The following CACNA1E variants were observed in gnomAD, a reference collection of about 807,000 sequenced individuals.
The protein encoded by CACNA1E is calcium voltage-gated channel subunit alpha1 E.
A neutral mutation model predicts 259.2 loss-of-function variants in CACNA1E; 40 were observed. That is an observed-to-expected ratio of 0.15 (90% CI 0.12 to 0.20). The LOEUF (loss-of-function observed/expected upper bound fraction) is 0.20, where lower values mean the gene tolerates loss of function less well. Ranked by LOEUF, CACNA1E falls within the 10% of genes least tolerant of loss-of-function variation. The pLI is 1.00. For missense variants in CACNA1E, 1,874 were observed against 3,040.1 expected, an observed-to-expected ratio of 0.62 and a Z score of 9.02; for synonymous variants, 1,104 against 1,138.5, an observed-to-expected ratio of 0.97 and a Z score of 0.61.
chr1:181,377,367 T>G (rs1259373140), intron 1 of CACNA1E, among the ~76,000 whole-genome samples: 1 of 152,138 alleles, frequency 6.6e-6, no homozygotes, highest in Admixed American at 6.5e-5. Flanking sequence ...AATAAAGACC[T>G]GTTTGGGGTC....
intron 2 of CACNA1E, among the ~76,000 whole-genome samples, chr1:181,439,501 C>A (rs1660312357): frequency 6.6e-6 from 1 of 152,132 alleles, no homozygotes; most frequent in Admixed American, 6.5e-5. Flanking sequence ...AGTTGCCTTA[C>A]TTTCTAGAGG....
intron 6 of CACNA1E, among the ~76,000 whole-genome samples, chr1:181,584,329 C>T (rs1219914324): frequency 1.3e-5 from 2 of 152,200 alleles, no homozygotes; most frequent in Non-Finnish European, 2.9e-5. Flanking sequence ...GTTTCTGCAG[C>T]TTTGCAGGTA....
At chr1:181,567,889 CAAAT>C (rs1003354968) in intron 3 of CACNA1E, among the ~76,000 whole-genome samples, 2 of 151,886 alleles carry the variant, frequency 1.3e-5, no homozygotes, top group Non-Finnish European at 2.9e-5. Flanking sequence ...GTACATCACA[CAAAT>C]AAAGAGTACT....
chr1:181,754,068 C>T (rs150529564), intron 27 of CACNA1E, among the ~76,000 whole-genome samples: 341 of 152,336 alleles, frequency 2.2e-3, no homozygotes, highest in African/African-American at 8.0e-3. Flanking sequence ...GGTTCTGCCT[C>T]ACACACAGAG....
chr1:181,649,027 C>T (rs1035440786), intron 6 of CACNA1E, among the ~76,000 whole-genome samples: 3 of 152,202 alleles, frequency 2.0e-5, no homozygotes, highest in African/African-American at 7.2e-5. Flanking sequence ...ACAGAGCTAG[C>T]TATACAAATA....
intron 46 of CACNA1E, 104 bp downstream of exon 46, chr1:181,795,148 C>A: frequency 1.0e-6 from 1 of 979,276 alleles, no homozygotes; most frequent in Non-Finnish European, 1.5e-6. Context: ...AATTCAGAGA[C>A]AAGGGCTGAA....
intron 6 of CACNA1E, among the ~76,000 whole-genome samples, chr1:181,608,859 T>C (rs1292434180): frequency 6.6e-6 from 1 of 152,224 alleles, no homozygotes; most frequent in Non-Finnish European, 1.5e-5. Flanking sequence ...TTTCTCCTTA[T>C]TGATTGTATA....
At chr1:181,470,452 C>T (rs1482475589) in intron 2 of CACNA1E, among the ~76,000 whole-genome samples, 1 of 152,148 alleles carries the variant, frequency 6.6e-6, no homozygotes, top group Non-Finnish European at 1.5e-5. Flanking sequence ...AAACTCCTGG[C>T]TTTGGGTGAT....
At chr1:181,684,238 T>C (rs1650285130) in intron 7 of CACNA1E, among the ~76,000 whole-genome samples, 1 of 152,202 alleles carries the variant, frequency 6.6e-6, no homozygotes, top group African/African-American at 2.4e-5. Context: ...ATTAGTGATG[T>C]TGAACATTTT....
chr1:181,741,950 C>G (rs1485025923), intron 25 of CACNA1E, among the ~76,000 whole-genome samples: 1 of 152,176 alleles, frequency 6.6e-6, no homozygotes, highest in African/African-American at 2.4e-5. Context: ...TTCTTGAACT[C>G]TCTCTTCATT....
intron 7 of CACNA1E, among the ~76,000 whole-genome samples, chr1:181,703,930 T>TCTGGTCTGTGAGAC (rs1652533117): frequency 6.7e-6 from 1 of 148,812 alleles, no homozygotes. Context: ...GATATAGCAC[T>TCTGGTCTGTGAGAC]TCATGTAATG....
At position 181,790,699 on chromosome 1, in the gene CACNA1E, C is replaced by A. The variant is rs1242035575; in HGVS notation, c.5898+143C>A. 7 of 636,462 alleles carry A rather than the reference C, an allele frequency of 1.1e-5. No homozygotes were observed. The East Asian group carries it at 1.9e-4, about 18-fold the overall frequency. 39.4% of individuals were successfully genotyped at this position (636,462 alleles called of 1,614,324 possible). On this transcript the variant is annotated intron_variant, in intron 44 of 47. Coordinates refer to ENST00000367573, the MANE Select transcript of CACNA1E (RefSeq NM_001205293.3). Reference sequence around the variant, plus strand: ...TGCCCTGGAGGTGTCCTGCCTTAGCCCTTTTCTAGCCCAGTTTCTCATGTG... The same window carrying A: ...TGCCCTGGAGGTGTCCTGCCTTAGCACTTTTCTAGCCCAGTTTCTCATGTG...
chr1:181,548,575 A>G (rs985833277), intron 3 of CACNA1E, among the ~76,000 whole-genome samples: 3 of 152,188 alleles, frequency 2.0e-5, no homozygotes, highest in African/African-American at 4.8e-5. Flanking sequence ...TGTCTTGCAC[A>G]TGGTTGTGCT....
At chr1:181,441,952 AT>A (rs1660501425) in intron 2 of CACNA1E, among the ~76,000 whole-genome samples, 1 of 152,082 alleles carries the variant, frequency 6.6e-6, no homozygotes, top group Non-Finnish European at 1.5e-5. Flanking sequence ...GCCTTAATTC[AT>A]TTCATCTGAC....
chr1:181,404,220 T>TA (rs1298821638), intron 1 of CACNA1E, among the ~76,000 whole-genome samples: 7 of 152,058 alleles, frequency 4.6e-5, no homozygotes, highest in Non-Finnish European at 1.0e-4. Context: ...CTTGAGGAGG[T>TA]AAACATAATG....
chr1:181,508,967 G>A (rs55833647), intron 1 of CACNA1E, among the ~76,000 whole-genome samples: 31,104 of 151,976 alleles, frequency 0.2, 3,435 homozygotes, highest in Non-Finnish European at 0.25. Flanking sequence ...GCAGAGGCCC[G>A]TGGAATGGTC....
intron 6 of CACNA1E, among the ~76,000 whole-genome samples, chr1:181,615,484 G>T (rs116442149): frequency 0.027 from 4,167 of 152,176 alleles, 89 homozygotes; most frequent in Non-Finnish European, 0.041. Flanking sequence ...CACCATGCCT[G>T]GCTGATATAT....
intron 3 of CACNA1E, among the ~76,000 whole-genome samples, chr1:181,522,126 A>T (rs979912157): frequency 6.6e-6 from 1 of 152,186 alleles, no homozygotes; most frequent in South Asian, 2.1e-4. Flanking sequence ...GTCTCCTCAG[A>T]ATTAGGGAAA....
At chr1:181,647,823 C>T (rs906701176) in intron 6 of CACNA1E, among the ~76,000 whole-genome samples, 3 of 152,076 alleles carry the variant, frequency 2.0e-5, no homozygotes, top group Admixed American at 6.6e-5. Flanking sequence ...GTCACTGACC[C>T]GTGGACAAAC....
Sources: gnomAD v4.1 joint callset for allele counts (sites outside exome capture counted in the v4.1 genomes callset) on GRCh38, gnomAD v4.1.1 for gene constraint, MANE v1.5 for transcripts, NCBI Gene and HGNC (gene_info 2026-07-23, HGNC 2026-07-21) for gene names.